ABCA1: variants seen among roughly 807,000 people sequenced by gnomAD.
ABCA1 encodes ATP binding cassette subfamily A member 1.
A neutral mutation model predicts 262.5 loss-of-function variants in ABCA1; 133 were observed. The observed-to-expected ratio is 0.51, with a 90% CI of 0.44 to 0.59. ABCA1 has a LOEUF of 0.59. Among genes scored for constraint, ABCA1 ranks in the 20% least tolerant of loss-of-function variants. The probability of loss-of-function intolerance (pLI) is 0.00; values close to 1 mark genes in which losing one functional copy is unlikely to be tolerated. For synonymous variants in ABCA1, 1,022 were observed against 1,043.5 expected, an observed-to-expected ratio of 0.98 and a Z score of 0.40; for missense variants, 2,452 against 2,777.5, an observed-to-expected ratio of 0.88 and a Z score of 2.63.
At chr9:104,895,787 C>T (rs1408606369) in intron 2 of ABCA1, among the ~76,000 whole-genome samples, 1 of 152,256 alleles carries the variant, frequency 6.6e-6, no homozygotes, top group Admixed American at 6.5e-5. Context: ...TCTGTGAACC[C>T]ATTTCCCTCC....
chr9:104,826,615 A>G (rs1030767996), intron 16 of ABCA1, among the ~76,000 whole-genome samples: 9 of 152,268 alleles, frequency 5.9e-5, no homozygotes, highest in African/African-American at 1.9e-4. Flanking sequence ...CATAGCCAAC[A>G]GAGCTGGGAG....
chr9:104,818,607 A>G, intron 23 of ABCA1, 56 bp downstream of exon 23: 1 of 1,531,870 alleles, frequency 6.5e-7, no homozygotes, highest in Non-Finnish European at 9.0e-7. Flanking sequence ...ATTCACAGCC[A>G]GCAAGTCCTG....
intron 1 of ABCA1, among the ~76,000 whole-genome samples, chr9:104,920,184 A>G (rs1009340213): frequency 4.4e-4 from 67 of 152,248 alleles, no homozygotes; most frequent in Non-Finnish European, 8.8e-5. Context: ...GGCATTCATG[A>G]ACACCCTGTA....
Position 104,843,252 on chromosome 9 carries a change from T to C in ABCA1, c.813+2225A>G, listed in dbSNP as rs111429025. ...GCAGAGAAGTTAGCGTGTTCACTGCTGAGTCCTCAACACCTAGCAATGCCA... is the reference window on the plus strand; with the variant it reads ...GCAGAGAAGTTAGCGTGTTCACTGCCGAGTCCTCAACACCTAGCAATGCCA... On this transcript the variant is annotated intron_variant, in intron 8 of 49. Transcript: ENST00000374736. Among the ~76,000 whole-genome samples the C allele has an allele frequency of 4.3e-3, 654 of 152,334 alleles. 10 individuals are homozygous for C. Among genetic ancestry groups the C allele is most frequent in the African/African-American group, 0.015 (618 of 41,576 alleles).
chr9:104,797,376 C>T (rs1829988951), intron 37 of ABCA1, among the ~76,000 whole-genome samples: 1 of 152,160 alleles, frequency 6.6e-6, no homozygotes, highest in African/African-American at 2.4e-5. Context: ...GAAGGAGACC[C>T]GAATTTCACA....
intron 5 of ABCA1, among the ~76,000 whole-genome samples, chr9:104,866,572 C>T (rs550316416): frequency 6.6e-5 from 10 of 152,022 alleles, no homozygotes; most frequent in Admixed American, 1.3e-4. Flanking sequence ...CCTCCAAAGC[C>T]CCAGGTTCAA....
Position 104,796,076 on chromosome 9 carries a change from C to T in ABCA1, c.5359G>A (p.Val1787Met). Residue 1787 changes from valine (V) to methionine (M), a missense_variant, in exon 39 of 50, where the codon GTG becomes ATG. Val to Met is a conservative substitution (Grantham distance 21). Transcript: ENST00000374736. ...ACATTGTCGGTGAACAGCTCCAGCA[C>T]AAAGGTGGCCACGCTGCCATTAATG... ...IGINGSVATF[V>M]LELFTDNKLN... The T allele has an allele frequency of 6.2e-7, 1 of 1,612,972 alleles. No homozygotes were observed. Among genetic ancestry groups the T allele is most frequent in the East Asian group, 2.2e-5 (1 of 44,878 alleles).
chr9:104,925,394 C>T (rs1826241191), intron 1 of ABCA1, among the ~76,000 whole-genome samples: 1 of 130,022 alleles, frequency 7.7e-6, no homozygotes, highest in Admixed American at 7.5e-5. Context: ...AAAAAATGTG[C>T]CCAGGGTCCA....
chr9:104,887,544 A>G (rs754733208), intron 3 of ABCA1, among the ~76,000 whole-genome samples: 23 of 152,080 alleles, frequency 1.5e-4, no homozygotes, highest in Non-Finnish European at 3.2e-4. Context: ...TCATTCGTCT[A>G]GTAGATGAAA....
chr9:104,854,024 A>G (rs760002153), intron 7 of ABCA1, among the ~76,000 whole-genome samples: 2 of 152,196 alleles, frequency 1.3e-5, no homozygotes, highest in Non-Finnish European at 2.9e-5. Context: ...CCCAAACTAA[A>G]CACCTGAGCC....
At chr9:104,834,130 C>T (rs4149300) in intron 11 of ABCA1, among the ~76,000 whole-genome samples, 1 of 149,272 alleles carries the variant, frequency 6.7e-6, no homozygotes, top group African/African-American at 2.5e-5. Flanking sequence ...ATTTCAATGG[C>T]AGCATAATGA....
intron 1 of ABCA1, among the ~76,000 whole-genome samples, chr9:104,925,120 T>C (rs1192559405): frequency 6.6e-6 from 1 of 152,164 alleles, no homozygotes; most frequent in African/African-American, 2.4e-5. Flanking sequence ...GCCTCACGCC[T>C]GTAATCCCAG....
At chr9:104,847,138 C>A (rs542732118) in intron 7 of ABCA1, among the ~76,000 whole-genome samples, 1 of 152,060 alleles carries the variant, frequency 6.6e-6, no homozygotes, top group Non-Finnish European at 1.5e-5. Context: ...TCCACATAAC[C>A]TAAATTTAAG....
In ABCA1 at chr9:104,785,594, G is replaced by C; in HGVS notation, c.6447C>G (p.Asn2149Lys). 1.2e-6 allele frequency: 2 copies of C among 1,614,130 alleles called. No individual in the cohort carries two copies. Among genetic ancestry groups the C allele is most frequent in the Non-Finnish European group, 1.7e-6 (2 of 1,180,014 alleles). The change falls in exon 49 of 50, where the codon AAC (asparagine) becomes AAG (lysine). Residue 2149 changes from asparagine (N) to lysine (K), a missense_variant. Coordinates refer to ENST00000374736, the MANE Select transcript of ABCA1 (RefSeq NM_005502.4). The part of the protein sequence containing the change: ...YTIVVRIAGS[N>K]PDLKPVQDFF... ...AATCCTGGACAGGCTTCAGGTCCGGGTTGGACCCTGCTATTCGTACAACTA... is the reference window on the plus strand; with the variant it reads ...AATCCTGGACAGGCTTCAGGTCCGGCTTGGACCCTGCTATTCGTACAACTA...
intron 1 of ABCA1, among the ~76,000 whole-genome samples, chr9:104,909,607 T>TACACACACACACAC (rs59524252): frequency 7.5e-6 from 1 of 133,954 alleles, no homozygotes; most frequent in Non-Finnish European, 1.6e-5. Context: ...GCAAAAGAAA[T>TACACACACACACAC]ACACACACAC....
intron 2 of ABCA1, among the ~76,000 whole-genome samples, chr9:104,889,968 G>A (rs761124748): frequency 6.6e-6 from 1 of 152,146 alleles, no homozygotes; most frequent in Non-Finnish European, 1.5e-5. Context: ...AAACAATGAG[G>A]TTTCTCCAAA....
chr9:104,836,883 G>T, intron 11 of ABCA1, 97 bp downstream of exon 11: 1 of 987,308 alleles, frequency 1.0e-6, no homozygotes, highest in Middle Eastern at 2.1e-4. Flanking sequence ...TAGATAAACT[G>T]AAAGAATTCT....
chr9:104,822,389 C>A, intron 19 of ABCA1, 107 bp downstream of exon 19: 1 of 1,445,674 alleles, frequency 6.9e-7, no homozygotes, highest in South Asian at 1.1e-5. Flanking sequence ...CTCATGTGCT[C>A]CTTCCCTTGG....
intron 1 of ABCA1, among the ~76,000 whole-genome samples, chr9:104,911,930 C>A (rs147261734): frequency 2.0e-5 from 3 of 152,128 alleles, no homozygotes; most frequent in African/African-American, 7.2e-5. Context: ...TCACACTGTC[C>A]GTTTAAAAAT....
Sources: gnomAD v4.1 joint callset for allele counts (sites outside exome capture counted in the v4.1 genomes callset) on GRCh38, gnomAD v4.1.1 for gene constraint, MANE v1.5 for transcripts, NCBI Gene and HGNC (gene_info 2026-07-23, HGNC 2026-07-21) for gene names.